P4HA3: variants seen among roughly 807,000 people sequenced by gnomAD.
The protein encoded by P4HA3 is prolyl 4-hydroxylase subunit alpha-3.
P4HA3 carries 60 observed loss-of-function variants against 66.7 expected under a neutral mutation model. The observed-to-expected ratio is 0.90, with a 90% CI of 0.73 to 1.12. The LOEUF (loss-of-function observed/expected upper bound fraction) is 1.12. Among genes scored for constraint, P4HA3 ranks in the 50% most tolerant of loss-of-function variants. The pLI is 0.00. For synonymous variants in P4HA3, 263 were observed against 274.6 expected (o/e 0.96, Z 0.42); for missense variants, 683 against 685.8 (o/e 1.00, Z 0.05).
rs1861293970 is a variant in P4HA3 at position 74,298,346 on chromosome 11, C to G, written c.583G>C (p.Gly195Arg). The G allele has an allele frequency of 6.2e-7, 1 of 1,613,642 alleles. No homozygotes were observed. Residue 195 changes from glycine to arginine, a missense_variant, in exon 4 of 13, where the codon GGG becomes CGG. Transcript: ENST00000331597. ...CATGGAATGGCATGGTAATAATCCC[C>G]CATGTCATAGGCCACCTACACAGAA... ...FQVGKVAYDM[G>R]DYYHAIPWLE...
At chr11:74,305,773 A>G (rs1223647407) in intron 1 of P4HA3, among the ~76,000 whole-genome samples, 2 of 152,218 alleles carry the variant, frequency 1.3e-5, no homozygotes, top group African/African-American at 2.4e-5. Context: ...TTCTATACCT[A>G]AATTCAATAC....
At chr11:74,310,382 C>T (rs1486333544) in intron 1 of P4HA3, among the ~76,000 whole-genome samples, 1 of 152,226 alleles carries the variant, frequency 6.6e-6, no homozygotes, top group African/African-American at 2.4e-5. Flanking sequence ...AGCTGAGCAT[C>T]CACTGCTGTG....
At chr11:74,255,715 A>G (rs1035393383) in intron 15 of P4HA3, among the ~76,000 whole-genome samples, 1 of 152,234 alleles carries the variant, frequency 6.6e-6, no homozygotes, top group Non-Finnish European at 1.5e-5. Context: ...TCTGTGGGCC[A>G]ATAGCATCAG....
intron 15 of P4HA3, among the ~76,000 whole-genome samples, chr11:74,257,575 TAGG>T (rs907788009): frequency 2.3e-4 from 35 of 152,154 alleles, no homozygotes; most frequent in Admixed American, 1.8e-3. Context: ...TGGGCCGAGA[TAGG>T]AGAAGAGCCA....
intron 15 of P4HA3, among the ~76,000 whole-genome samples, chr11:74,255,742 G>C (rs533097336): frequency 6.6e-6 from 1 of 152,198 alleles, no homozygotes; most frequent in African/African-American, 2.4e-5. Flanking sequence ...TTGGAAGCTC[G>C]TTAGAGAACT....
intron 3 of P4HA3, among the ~76,000 whole-genome samples, 187 bp from the exon 4 acceptor site, chr11:74,298,548 G>A (rs1243971792): frequency 6.6e-6 from 1 of 152,208 alleles, no homozygotes; most frequent in Non-Finnish European, 1.5e-5. Context: ...GGAGACATAA[G>A]GGTTCTTGCA....
chr11:74,276,278 T>C (rs1423600663), intron 9 of P4HA3, among the ~76,000 whole-genome samples: 1 of 152,136 alleles, frequency 6.6e-6, no homozygotes, highest in East Asian at 1.9e-4. Flanking sequence ...ATATAACAAG[T>C]ATGGCTGGGT....
chr11:74,255,391 C>T (rs563575836), intron 15 of P4HA3, among the ~76,000 whole-genome samples: 1 of 146,808 alleles, frequency 6.8e-6, no homozygotes, highest in Non-Finnish European at 1.5e-5. Flanking sequence ...CTTTGCTGCC[C>T]TCCTCCCCCC....
At chr11:74,268,274 C>T in intron 11 of P4HA3, 33 bp from the exon 12 acceptor site, 1 of 1,568,590 alleles carries the variant, frequency 6.4e-7, no homozygotes, top group South Asian at 1.1e-5. Context: ...CAGGGAGGGT[C>T]AGCCCAGAAC....
At chr11:74,292,915 A>G (rs1470981745) in intron 4 of P4HA3, among the ~76,000 whole-genome samples, 1 of 152,144 alleles carries the variant, frequency 6.6e-6, no homozygotes, top group Admixed American at 6.5e-5. Flanking sequence ...AAAAGAATGT[A>G]TATTCTGTTG....
downstream of P4HA3, among the ~76,000 whole-genome samples, chr11:74,263,480 G>T (rs977954162): frequency 2.0e-5 from 3 of 152,188 alleles, no homozygotes; most frequent in South Asian, 2.1e-4. Context: ...ACAACAGAGG[G>T]TTAGTTAAGG....
Position 74,289,144 on chromosome 11 carries a change from A to G in P4HA3, c.718-14T>C, listed in dbSNP as rs2134775715. On this transcript the variant is annotated splice_polypyrimidine_tract_variant and intron_variant, in intron 4 of 12. Transcript: ENST00000331597. ...AACATTTCCTGCCTGTTAAAAAAAAAAAAAAGAAAAGAAAGCATTAACTTC... is the reference window on the plus strand; with the variant it reads ...AACATTTCCTGCCTGTTAAAAAAAAGAAAAAGAAAAGAAAGCATTAACTTC... 1.3e-6 allele frequency: 2 copies of G among 1,570,310 alleles called. No homozygotes were observed. Among genetic ancestry groups the G allele is most frequent in the East Asian group, 2.3e-5 (1 of 43,328 alleles).
chr11:74,269,650 AC>A lies in P4HA3; in HGVS notation c.1467+1del. 1 of 1,612,794 alleles carries A rather than the reference AC, an allele frequency of 6.2e-7. No individual in the cohort carries two copies. Among genetic ancestry groups the A allele is most frequent in the East Asian group, 2.2e-5 (1 of 44,792 alleles). On this transcript the variant is annotated splice_donor_variant, in intron 11 of 12. Coordinates refer to ENST00000331597, the MANE Select transcript of P4HA3 (RefSeq NM_182904.5). LOFTEE classifies it high-confidence loss of function. The stretch of plus-strand genomic sequence containing the variant: ...GTCTTCTGGGACCAGGGCCCCACTC[AC>A]CCTAACCACAGGCACGCTGAGGTTG...
chr11:74,251,241 C>A, intron 15 of P4HA3: 1 of 1,392,984 alleles, frequency 7.2e-7, no homozygotes, highest in South Asian at 1.8e-5. Context: ...CTATTTCATC[C>A]CAGGGCCCTG....
intron 7 of P4HA3, 102 bp downstream of exon 7, chr11:74,285,707 C>G: frequency 1.6e-6 from 2 of 1,287,160 alleles, no homozygotes; most frequent in South Asian, 2.9e-5. Flanking sequence ...CTCCTTGGCT[C>G]TTTGAGGTGT....
chr11:74,284,717 A>G (rs1329172423), intron 7 of P4HA3, among the ~76,000 whole-genome samples: 1 of 152,046 alleles, frequency 6.6e-6, no homozygotes, highest in African/African-American at 2.4e-5. Context: ...CCCTAGAAGC[A>G]TCTCTCTGGG....
intron 4 of P4HA3, among the ~76,000 whole-genome samples, chr11:74,295,048 G>A (rs931559927): frequency 1.4e-4 from 22 of 152,066 alleles, no homozygotes; most frequent in African/African-American, 5.1e-4. Context: ...GTTCCTATTC[G>A]GCCATCTTGG....
intron 7 of P4HA3, among the ~76,000 whole-genome samples, chr11:74,281,200 C>A (rs1350114307): frequency 6.6e-6 from 1 of 152,090 alleles, no homozygotes; most frequent in African/African-American, 2.4e-5. Flanking sequence ...GTTAGAATGG[C>A]AATCATTAAA....
chr11:74,272,674 A>C lies in P4HA3; in HGVS notation c.1398+871T>G, dbSNP rs530817014. ...TGGCTGTCCTGTGGAGACCAGAGAC[A>C]GTCCTAATAGAAGAGGAAAAGCTGG... is the stretch of plus-strand genomic sequence containing the variant. On this transcript the variant is annotated intron_variant, in intron 10 of 12. Coordinates refer to ENST00000331597, the MANE Select transcript of P4HA3 (RefSeq NM_182904.5). 3.3e-5 allele frequency among the ~76,000 whole-genome samples: 5 copies of C among 152,354 alleles called. No homozygotes were observed. In the East Asian group the frequency reaches 9.6e-4, roughly 29 times the overall value.
Sources: gnomAD v4.1 joint callset for allele counts (sites outside exome capture counted in the v4.1 genomes callset) on GRCh38, gnomAD v4.1.1 for gene constraint, MANE v1.5 for transcripts, NCBI Gene and HGNC (gene_info 2026-07-23, HGNC 2026-07-21) for gene names.